Variants in CPA6 observed in about 807,000 individuals in gnomAD.
CPA6 encodes the protein carboxypeptidase B.
In CPA6, 58 loss-of-function variants were observed where a neutral mutation model predicts 63.3. The ratio of observed to expected loss-of-function variants is 0.92; its 90% CI spans 0.74 to 1.14. The LOEUF (loss-of-function observed/expected upper bound fraction) is 1.14. Among genes scored for constraint, CPA6 ranks in the 50% most tolerant of loss-of-function variants. The pLI is 0.00. For synonymous variants in CPA6, 185 were observed against 179.0 expected (o/e 1.03, Z -0.27); for missense variants, 565 against 526.6 (o/e 1.07, Z -0.71).
intron 8 of CPA6, among the ~76,000 whole-genome samples, chr8:67,434,669 G>T (rs1036850474): frequency 1.3e-5 from 2 of 152,296 alleles, no homozygotes; most frequent in Non-Finnish European, 2.9e-5. Flanking sequence ...TGGCTCCCTC[G>T]CTTGGCAACA....
At chr8:67,637,318 A>T (rs954833593) in intron 1 of CPA6, among the ~76,000 whole-genome samples, 2 of 151,682 alleles carry the variant, frequency 1.3e-5, no homozygotes, top group Non-Finnish European at 2.9e-5. Context: ...GGCTTCCATT[A>T]TATGCTTTGA....
At chr8:67,443,217 T>C (rs1278209080) in intron 8 of CPA6, among the ~76,000 whole-genome samples, 1 of 151,994 alleles carries the variant, frequency 6.6e-6, no homozygotes, top group Non-Finnish European at 1.5e-5. Context: ...CGCACCACCA[T>C]GCCTGGCTAA....
chr8:67,464,894 C>T (rs10081497), intron 8 of CPA6, among the ~76,000 whole-genome samples: 18,109 of 152,136 alleles, frequency 0.12, 1,177 homozygotes, highest in East Asian at 0.24. Flanking sequence ...CAGTACCATG[C>T]TGTTTTGGTT....
At chr8:67,598,404 T>A (rs993263940) in intron 2 of CPA6, among the ~76,000 whole-genome samples, 10 of 152,196 alleles carry the variant, frequency 6.6e-5, no homozygotes, top group Non-Finnish European at 1.5e-4. Flanking sequence ...TAAGTAGTAT[T>A]TTCTATGTTA....
intron 2 of CPA6, among the ~76,000 whole-genome samples, chr8:67,526,486 C>T (rs547359222): frequency 2.1e-4 from 32 of 152,276 alleles, no homozygotes; most frequent in African/African-American, 7.5e-4. Flanking sequence ...TTATGTTCAA[C>T]AGAGGAACAT....
Position 67,496,531 on chromosome 8 carries a change from A to ATG in CPA6, c.636+10255_636+10256insCA, listed in dbSNP as rs1563976136. Among the ~76,000 whole-genome samples, 65 of 134,356 alleles carry ATG rather than the reference A, an allele frequency of 4.8e-4. 1 individual carries two copies. The highest frequency in any genetic ancestry group is 1.8e-3 in the African/African-American group (59 of 33,480). The allele number at this position is 134,356 out of a possible 152,430, so 88.1% of individuals were successfully genotyped here. A position where few individuals can be genotyped will look rare whatever the true frequency, so the allele number is the denominator to read the frequency against. ...ACCACTATATAGTTTATATATATAT[A>ATG]TATATATATATATATATATATATAT... On this transcript the variant is annotated intron_variant, in intron 6 of 10. Coordinates refer to ENST00000297770, the MANE Select transcript of CPA6 (RefSeq NM_020361.5).
At position 67,702,467 on chromosome 8, in the gene CPA6, T is replaced by C. The variant is rs114288003; in HGVS notation, c.116+43547A>G. On this transcript the variant is annotated intron_variant, in intron 1 of 10. Coordinates refer to ENST00000297770, the MANE Select transcript of CPA6 (RefSeq NM_020361.5). Reference sequence around the variant, plus strand: ...AGGTGATCATCAGGAGATGGTCAGGTGGTGGTTAAAAAGTCTCTGTAAAAT... The same window carrying C: ...AGGTGATCATCAGGAGATGGTCAGGCGGTGGTTAAAAAGTCTCTGTAAAAT... 9.5e-3 allele frequency among the ~76,000 whole-genome samples: 1,447 copies of C among 151,870 alleles called. 19 individuals are homozygous for C. The highest frequency in any genetic ancestry group is 0.033 in the African/African-American group (1,371 of 41,376).
intron 8 of CPA6, among the ~76,000 whole-genome samples, chr8:67,456,619 T>C (rs917432166): frequency 6.6e-6 from 1 of 152,184 alleles, no homozygotes; most frequent in Non-Finnish European, 1.5e-5. Flanking sequence ...GCCTTCAAGA[T>C]AAAGGGGCTA....
At chr8:67,435,793 T>A (rs368988384) in intron 8 of CPA6, among the ~76,000 whole-genome samples, 2 of 152,002 alleles carry the variant, frequency 1.3e-5, no homozygotes, top group South Asian at 4.1e-4. Context: ...CTTTGGTCCC[T>A]CTCTGGGGGC....
At chr8:67,576,482 G>A (rs1474469592) in intron 2 of CPA6, among the ~76,000 whole-genome samples, 1 of 152,106 alleles carries the variant, frequency 6.6e-6, no homozygotes, top group Non-Finnish European at 1.5e-5. Flanking sequence ...TGCTATAGGT[G>A]TATGCTCTAA....
At chr8:67,666,724 G>A (rs750402579) in intron 1 of CPA6, among the ~76,000 whole-genome samples, 1 of 152,052 alleles carries the variant, frequency 6.6e-6, no homozygotes, top group Non-Finnish European at 1.5e-5. Flanking sequence ...CTCATGACAC[G>A]ATGTCCCTCA....
intron 2 of CPA6, among the ~76,000 whole-genome samples, chr8:67,622,489 G>T (rs1413414289): frequency 6.6e-6 from 1 of 152,156 alleles, no homozygotes; most frequent in Non-Finnish European, 1.5e-5. Flanking sequence ...TTGGGGATGG[G>T]TTCTTGCATC....
At chr8:67,613,553 C>A (rs1814864143) in intron 2 of CPA6, among the ~76,000 whole-genome samples, 1 of 152,140 alleles carries the variant, frequency 6.6e-6, no homozygotes, top group Non-Finnish European at 1.5e-5. Context: ...CAGGTTAGTA[C>A]AAATGTGGAA....
Position 67,429,353 on chromosome 8 carries a change from A to G in CPA6, c.1042-1222T>C, listed in dbSNP as rs144858685. ...GAAGTATTACATGACAAATGAGAGGAAAAGAAGTATGTTGAAACCAGAATA... is the reference window on the plus strand; with the variant it reads ...GAAGTATTACATGACAAATGAGAGGGAAAGAAGTATGTTGAAACCAGAATA... On this transcript the variant is annotated intron_variant, in intron 9 of 10. Coordinates refer to ENST00000297770, the MANE Select transcript of CPA6 (RefSeq NM_020361.5). Among the ~76,000 whole-genome samples, 849 of 152,362 alleles carry G rather than the reference A, an allele frequency of 5.6e-3. 11 individuals are homozygous for G. The highest frequency in any genetic ancestry group is 0.019 in the African/African-American group (802 of 41,582).
intron 2 of CPA6, among the ~76,000 whole-genome samples, chr8:67,580,874 T>A (rs1813752995): frequency 6.6e-6 from 1 of 152,166 alleles, no homozygotes; most frequent in African/African-American, 2.4e-5. Flanking sequence ...CATCGAGATG[T>A]CTTATTTAAG....
chr8:67,670,361 C>T (rs189582147), intron 1 of CPA6, among the ~76,000 whole-genome samples: 2 of 152,222 alleles, frequency 1.3e-5, no homozygotes, highest in East Asian at 3.9e-4. Flanking sequence ...ACAACCAGAT[C>T]TCGTGAGCAC....
chr8:67,475,881 CCTTTCTTT>C (rs763576613), intron 8 of CPA6, among the ~76,000 whole-genome samples: 2,100 of 42,910 alleles, frequency 0.049, 106 homozygotes, highest in Admixed American at 0.055. Flanking sequence ...CTTTCTTTCT[CCTTTCTTT>C]CTTTCTTTCT....
At chr8:67,564,367 T>C (rs1310422116) in intron 2 of CPA6, among the ~76,000 whole-genome samples, 2 of 152,132 alleles carry the variant, frequency 1.3e-5, no homozygotes, top group Admixed American at 1.3e-4. Flanking sequence ...CCTGTGCTTC[T>C]ATTTCTTTCT....
intron 2 of CPA6, among the ~76,000 whole-genome samples, chr8:67,589,930 G>C (rs1814064073): frequency 6.6e-6 from 1 of 151,610 alleles, no homozygotes; most frequent in Admixed American, 6.6e-5. Context: ...GGGTACATGT[G>C]CACAATGTGC....
Sources: allele counts gnomAD v4.1 joint callset (sites outside exome capture counted in the v4.1 genomes callset), GRCh38; gene constraint gnomAD v4.1.1; transcripts MANE v1.5; gene names NCBI Gene and HGNC (gene_info 2026-07-23, HGNC 2026-07-21).